The following DDR2 variants were observed in gnomAD, a reference collection of about 807,000 sequenced individuals.
The protein encoded by DDR2 is discoidin domain receptor tyrosine kinase 2, also known as discoidin domain-containing receptor 2.
DDR2 carries 27 observed loss-of-function variants against 94.9 expected under a neutral mutation model. The ratio of observed to expected loss-of-function variants is 0.28; its 90% CI spans 0.21 to 0.39. DDR2 has a LOEUF of 0.39. DDR2 is among the 10% of genes least tolerant of loss of function. The pLI is 1.00. For missense variants in DDR2, 783 were observed against 1,076.0 expected (o/e 0.73, Z 3.81); for synonymous variants, 382 against 377.2 (o/e 1.01, Z -0.15).
chr1:162,687,872 G>A (rs1659763892), intron 2 of DDR2, among the ~76,000 whole-genome samples: 1 of 152,124 alleles, frequency 6.6e-6, no homozygotes, highest in Admixed American at 6.5e-5. Flanking sequence ...TCACGAGGTG[G>A]ATCGTTCTTT....
intron 2 of DDR2, among the ~76,000 whole-genome samples, chr1:162,718,341 A>G (rs891543458): frequency 3.3e-5 from 5 of 152,210 alleles, no homozygotes; most frequent in African/African-American, 1.2e-4. Context: ...AGATCTGAGC[A>G]CTAGGTTTGC....
At chr1:162,652,730 A>C (rs1210463064) in intron 1 of DDR2, among the ~76,000 whole-genome samples, 2 of 152,224 alleles carry the variant, frequency 1.3e-5, no homozygotes, top group East Asian at 3.8e-4. Context: ...TCTATTTTAC[A>C]AGTAGACACT....
rs1010556505 is a variant in DDR2 at position 162,700,144 on chromosome 1, A to T, written c.-27-18893A>T. 2.6e-5 allele frequency among the ~76,000 whole-genome samples: 4 copies of T among 152,338 alleles called. No individual in the cohort carries two copies. In the East Asian group the frequency reaches 7.7e-4, roughly 29 times the overall value. ...GTCTAGCACATTTACAGTGACCATG[A>T]TCCTATCTCTCACCATTTCTTCTTT... On this transcript the variant is annotated intron_variant, in intron 2 of 17. Transcript: ENST00000367921.
chr1:162,754,889 C>T (rs760577673), intron 5 of DDR2, 34 bp downstream of exon 5: 1 of 1,607,488 alleles, frequency 6.2e-7, no homozygotes, highest in South Asian at 1.1e-5. Context: ...CCTGGATGTC[C>T]AAGACCATAT....
chr1:162,736,013 G>A lies in DDR2; in HGVS notation c.82+16868G>A, dbSNP rs1217470958. On this transcript the variant is annotated intron_variant, in intron 3 of 17. Transcript: ENST00000367921. ...GCCAGGGATGAAAGCCCAGTGGGAC[G>A]GTCAGTGTGGCTTTCTCTGGTGCCC... is the stretch of plus-strand genomic sequence containing the variant. Among the ~76,000 whole-genome samples, 4 of 152,310 alleles carry A rather than the reference G, an allele frequency of 2.6e-5. No individual in the cohort carries two copies. The East Asian group carries it at 5.8e-4, about 22-fold the overall frequency.
At chr1:162,743,083 G>A (rs560409979) in intron 3 of DDR2, among the ~76,000 whole-genome samples, 65 of 152,254 alleles carry the variant, frequency 4.3e-4, no homozygotes, top group African/African-American at 1.5e-3. Context: ...GTTCCTGTGG[G>A]TATATGGCCA....
chr1:162,684,812 A>AACAC (rs56958157), intron 2 of DDR2, among the ~76,000 whole-genome samples: 18,471 of 137,836 alleles, frequency 0.13, 1,341 homozygotes, highest in Admixed American at 0.19. Flanking sequence ...CACACCCACC[A>AACAC]ACACACACAC....
chr1:162,645,393 A>T (rs928203801), intron 1 of DDR2, among the ~76,000 whole-genome samples: 7 of 152,224 alleles, frequency 4.6e-5, no homozygotes, highest in African/African-American at 1.7e-4. Flanking sequence ...GCAACTATAG[A>T]GCCAAAACAA....
chr1:162,680,915 T>C (rs775929753), intron 2 of DDR2, among the ~76,000 whole-genome samples: 14 of 152,346 alleles, frequency 9.2e-5, no homozygotes, highest in Non-Finnish European at 1.5e-4. Flanking sequence ...AGGGACTTGC[T>C]GATTATCTTT....
At chr1:162,713,095 G>A (rs1660996307) in intron 2 of DDR2, among the ~76,000 whole-genome samples, 1 of 152,186 alleles carries the variant, frequency 6.6e-6, no homozygotes, top group South Asian at 2.1e-4. Flanking sequence ...TTGTGGTGAG[G>A]CTCAATGATG....
intron 2 of DDR2, among the ~76,000 whole-genome samples, chr1:162,669,592 A>G (rs1253585604): frequency 1.3e-5 from 2 of 152,266 alleles, no homozygotes; most frequent in African/African-American, 4.8e-5. Flanking sequence ...TAATTATTGT[A>G]TCACCAATCC....
At chr1:162,752,389 A>T (rs1663256293) in intron 3 of DDR2, among the ~76,000 whole-genome samples, 1 of 152,208 alleles carries the variant, frequency 6.6e-6, no homozygotes, top group Non-Finnish European at 1.5e-5. Context: ...GTAGGGGTCA[A>T]CTTTTTTGTT....
At chr1:162,652,953 A>G (rs1000067005) in intron 1 of DDR2, among the ~76,000 whole-genome samples, 1 of 152,100 alleles carries the variant, frequency 6.6e-6, no homozygotes, top group Non-Finnish European at 1.5e-5. Flanking sequence ...AAAAAATACA[A>G]AAGTTAGCTG....
chr1:162,730,058 C>CAAA (rs1157549226), intron 3 of DDR2, among the ~76,000 whole-genome samples: 10 of 64,168 alleles, frequency 1.6e-4, no homozygotes, highest in East Asian at 8.8e-4. Flanking sequence ...TTTTTTTTTG[C>CAAA]AAAAAAAAAA....
At chr1:162,635,391 C>A (rs1338726038) in intron 1 of DDR2, among the ~76,000 whole-genome samples, 6 of 152,182 alleles carry the variant, frequency 3.9e-5, no homozygotes, top group Non-Finnish European at 8.8e-5. Context: ...CTTACAAGAT[C>A]TGCTTTCAGG....
intron 3 of DDR2, among the ~76,000 whole-genome samples, chr1:162,745,738 T>G (rs958828551): frequency 1.3e-5 from 2 of 152,204 alleles, no homozygotes; most frequent in African/African-American, 4.8e-5. Flanking sequence ...ATTTTGAAAT[T>G]AGGACGTGTG....
chr1:162,787,195 T>C lies in DDR2; in HGVS notation c.*6949T>C, dbSNP rs1648183057. On this transcript the variant is annotated 3_prime_UTR_variant, in exon 18 of 18. Coordinates refer to ENST00000367921, the MANE Select transcript of DDR2 (RefSeq NM_006182.4). The stretch of plus-strand genomic sequence containing the variant: ...TCACAGGGCCAAGGTTTGGCAGGGA[T>C]AGATGGGATCATTGTGTACCCTATT... 6.6e-6 allele frequency: 1 copy of C among 152,106 alleles called. No individual in the cohort carries two copies. The highest frequency in any genetic ancestry group is 2.4e-5 in the African/African-American group (1 of 41,410). 9.4% of individuals were successfully genotyped at this position (152,106 alleles called of 1,614,324 possible).
intron 1 of DDR2, among the ~76,000 whole-genome samples, chr1:162,636,479 T>G (rs576700522): frequency 2.6e-5 from 4 of 152,198 alleles, no homozygotes; most frequent in Non-Finnish European, 2.9e-5. Flanking sequence ...TGAGGGGCCC[T>G]TTGGATCTAT....
intron 3 of DDR2, among the ~76,000 whole-genome samples, chr1:162,748,632 A>T (rs1353857747): frequency 6.6e-6 from 1 of 152,184 alleles, no homozygotes. Flanking sequence ...CAGGACTTGA[A>T]CTCAGCTCTG....
Sources: gnomAD v4.1 joint callset for allele counts (sites outside exome capture counted in the v4.1 genomes callset) on GRCh38, gnomAD v4.1.1 for gene constraint, MANE v1.5 for transcripts, NCBI Gene and HGNC (gene_info 2026-07-23, HGNC 2026-07-21) for gene names.